GLG1: variants seen among roughly 807,000 people sequenced by gnomAD.
GLG1 encodes golgi glycoprotein 1.
Under a neutral mutation model 160.5 loss-of-function variants are expected in GLG1, and 38 were observed. That is an observed-to-expected ratio of 0.24 (90% CI 0.18 to 0.31). The LOEUF is 0.31. Among genes scored for constraint, GLG1 ranks in the 10% least tolerant of loss-of-function variants. GLG1 has a pLI of 1.00. For missense variants in GLG1, 1,373 were observed against 1,505.2 expected (o/e 0.91, Z 1.45); for synonymous variants, 644 against 543.4 (o/e 1.19, Z -2.57).
At chr16:74,501,013 G>C (rs1264038281) in intron 4 of GLG1, among the ~76,000 whole-genome samples, 1 of 152,168 alleles carries the variant, frequency 6.6e-6, no homozygotes, top group African/African-American at 2.4e-5. Flanking sequence ...CTCTGGAGGA[G>C]GCCAAGTCAA....
At chr16:74,504,530 C>T (rs562636007) in intron 3 of GLG1, among the ~76,000 whole-genome samples, 9 of 152,232 alleles carry the variant, frequency 5.9e-5, no homozygotes, top group Admixed American at 5.2e-4. Flanking sequence ...CCACGTGACC[C>T]ACCCACCTTG....
At chr16:74,481,581 C>T (rs2015599976) in intron 10 of GLG1, among the ~76,000 whole-genome samples, 1 of 152,150 alleles carries the variant, frequency 6.6e-6, no homozygotes, top group Non-Finnish European at 1.5e-5. Context: ...AGGGAAATTA[C>T]AGCCCAGCTT....
chr16:74,452,903 A>G lies in GLG1; in HGVS notation c.*264T>C. 2 of 1,161,372 alleles carry G rather than the reference A, an allele frequency of 1.7e-6. No individual in the cohort carries two copies. The highest frequency in any genetic ancestry group is 1.6e-5 in the African/African-American group (1 of 63,032). The allele number at this position is 1,161,372 out of a possible 1,614,324, so 71.9% of individuals were successfully genotyped here. A position where few individuals can be genotyped will look rare whatever the true frequency, so the allele number is the denominator to read the frequency against. On this transcript the variant is annotated 3_prime_UTR_variant, in exon 26 of 26. Coordinates refer to ENST00000422840, the MANE Select transcript of GLG1 (RefSeq NM_001145667.2). ...CGGAAGTTCTGTTGGTATGAGAGAGACTTGTCTACAGGCAGGTAAACCCAA... is the reference window on the plus strand; with the variant it reads ...CGGAAGTTCTGTTGGTATGAGAGAGGCTTGTCTACAGGCAGGTAAACCCAA...
intron 1 of GLG1, among the ~76,000 whole-genome samples, chr16:74,594,055 C>T (rs1958245686): frequency 6.6e-6 from 1 of 151,932 alleles, no homozygotes; most frequent in Non-Finnish European, 1.5e-5. Flanking sequence ...TACAGGCATG[C>T]GCCACCATGT....
At chr16:74,550,519 A>T (rs1384595473) in intron 1 of GLG1, among the ~76,000 whole-genome samples, 1 of 152,200 alleles carries the variant, frequency 6.6e-6, no homozygotes, top group Non-Finnish European at 1.5e-5. Context: ...AGGCGAGAAG[A>T]TGCCAAAAAC....
chr16:74,577,314 G>C (rs1210156001), intron 1 of GLG1, among the ~76,000 whole-genome samples: 1 of 152,106 alleles, frequency 6.6e-6, no homozygotes, highest in East Asian at 1.9e-4. Flanking sequence ...CCAAGGTCAG[G>C]AGTTCGAGAT....
At chr16:74,497,884 G>C (rs2016257160) in intron 4 of GLG1, among the ~76,000 whole-genome samples, 2 of 152,132 alleles carry the variant, frequency 1.3e-5, no homozygotes, top group African/African-American at 4.8e-5. Context: ...TGATGTTCTG[G>C]ATTTATCTTA....
intron 1 of GLG1, among the ~76,000 whole-genome samples, chr16:74,582,756 T>C (rs1003423903): frequency 3.3e-5 from 5 of 151,588 alleles, no homozygotes; most frequent in African/African-American, 9.7e-5. Flanking sequence ...GAGGTGGAGC[T>C]TGACAGTGAG....
At chr16:74,492,831 A>G (rs1010083562) in intron 7 of GLG1, 126 bp downstream of exon 7, 4 of 517,792 alleles carry the variant, frequency 7.7e-6, no homozygotes, top group African/African-American at 6.0e-5. Context: ...AAGAAAAAAA[A>G]AAAAAAAAGA....
intron 6 of GLG1, among the ~76,000 whole-genome samples, chr16:74,493,373 T>A (rs887716357): frequency 6.6e-6 from 1 of 152,242 alleles, no homozygotes; most frequent in Non-Finnish European, 1.5e-5. Context: ...ACTTGCTAGT[T>A]GTTGCTGCAA....
At chr16:74,488,987 A>G (rs1472386866) in intron 8 of GLG1, among the ~76,000 whole-genome samples, 1 of 152,164 alleles carries the variant, frequency 6.6e-6, no homozygotes, top group Non-Finnish European at 1.5e-5. Flanking sequence ...CTAGATTTGG[A>G]AAGTACTTTT....
intron 13 of GLG1, among the ~76,000 whole-genome samples, chr16:74,473,642 G>C (rs10871294): frequency 1.2e-4 from 18 of 151,780 alleles, no homozygotes; most frequent in Non-Finnish European, 2.4e-4. Context: ...GGGTTTCACC[G>C]TGTTAGCCAG....
intron 1 of GLG1, among the ~76,000 whole-genome samples, chr16:74,534,986 G>A (rs1378465358): frequency 6.6e-6 from 1 of 152,174 alleles, no homozygotes; most frequent in East Asian, 1.9e-4. Context: ...ATGTGCCTGG[G>A]TAGTTTGGCC....
At chr16:74,495,182 T>C (rs759633969) in intron 5 of GLG1, among the ~76,000 whole-genome samples, 1 of 148,974 alleles carries the variant, frequency 6.7e-6, no homozygotes, top group Non-Finnish European at 1.5e-5. Flanking sequence ...GGCACAATCT[T>C]AGCTCGGTGC....
At chr16:74,502,966 G>A (rs1311983539) in intron 4 of GLG1, among the ~76,000 whole-genome samples, 3 of 151,536 alleles carry the variant, frequency 2.0e-5, no homozygotes, top group Non-Finnish European at 4.4e-5. Context: ...CAGCACTTTC[G>A]GAGGCCGAGG....
At chr16:74,529,751 C>T (rs2017465947) in intron 2 of GLG1, among the ~76,000 whole-genome samples, 1 of 146,864 alleles carries the variant, frequency 6.8e-6, no homozygotes, top group African/African-American at 2.5e-5. Flanking sequence ...TTTTTGGATA[C>T]TATTTGTCCC....
rs1567466779 is a variant in GLG1 at position 74,474,778 on chromosome 16, G to A, written c.1966-146C>T. 4.6e-6 allele frequency: 3 copies of A among 645,706 alleles called. No individual in the cohort carries two copies. The African/African-American group carries it at 5.4e-5, about 12-fold the overall frequency. The allele number at this position is 645,706 out of a possible 1,614,324, so 40.0% of individuals were successfully genotyped here. On this transcript the variant is annotated intron_variant, in intron 12 of 25. Coordinates refer to ENST00000422840, the MANE Select transcript of GLG1 (RefSeq NM_001145667.2). ...TTACCTCACTGAACAGGACACAAAA[G>A]CTTTGTTTAATTCCCCAGACTGAGA...
intron 6 of GLG1, 107 bp from the exon 7 acceptor site, chr16:74,493,247 T>G: frequency 1.5e-6 from 1 of 656,904 alleles, no homozygotes; most frequent in Non-Finnish European, 2.6e-6. Flanking sequence ...TGTCAACAAC[T>G]GCAGTTATTA....
At chr16:74,458,930 T>A (rs2014668831) in intron 23 of GLG1, among the ~76,000 whole-genome samples, 1 of 152,140 alleles carries the variant, frequency 6.6e-6, no homozygotes, top group Non-Finnish European at 1.5e-5. Context: ...GCCAGAAATG[T>A]TTCCATAAAT....
Sources: gnomAD v4.1 joint callset for allele counts (sites outside exome capture counted in the v4.1 genomes callset) on GRCh38, gnomAD v4.1.1 for gene constraint, MANE v1.5 for transcripts, NCBI Gene and HGNC (gene_info 2026-07-23, HGNC 2026-07-21) for gene names.